SEC14L5: variants seen among roughly 807,000 people sequenced by gnomAD.
SEC14L5 encodes the protein SEC14 like lipid binding 5, also known as SEC14-like protein 5.
SEC14L5 carries 96 observed loss-of-function variants against 84.6 expected under a neutral mutation model. That is an observed-to-expected ratio of 1.13 (90% CI 0.96 to 1.34). The LOEUF (loss-of-function observed/expected upper bound fraction) is 1.34, where lower values mean the gene tolerates loss of function less well. Among genes scored for constraint, SEC14L5 ranks in the 40% most tolerant of loss-of-function variants. SEC14L5 has a pLI of 0.00. For synonymous variants in SEC14L5, 546 were observed against 383.4 expected (o/e 1.42, Z -4.95); for missense variants, 1,224 against 942.5 (o/e 1.30, Z -3.91).
chr16:4,971,027 G>A (rs551082641), intron 2 of SEC14L5, among the ~76,000 whole-genome samples: 1 of 150,562 alleles, frequency 6.6e-6, no homozygotes, highest in African/African-American at 2.4e-5. Flanking sequence ...AGAATCGCTT[G>A]AACCGGGAGG....
At chr16:5,005,287 C>T (rs1253012558) in intron 11 of SEC14L5, among the ~76,000 whole-genome samples, 4 of 151,824 alleles carry the variant, frequency 2.6e-5, no homozygotes, top group Admixed American at 2.0e-4. Flanking sequence ...TGCACTCAAG[C>T]CTGGGAGACA....
chr16:5,006,249 C>G (rs955149398), intron 12 of SEC14L5, among the ~76,000 whole-genome samples: 11 of 152,222 alleles, frequency 7.2e-5, no homozygotes, highest in African/African-American at 2.7e-4. Context: ...TGATGCTGTT[C>G]TGAGGTTGGG....
chr16:5,011,429 C>T (rs1955802556), intron 15 of SEC14L5, among the ~76,000 whole-genome samples, 156 bp downstream of exon 15: 1 of 152,220 alleles, frequency 6.6e-6, no homozygotes, highest in South Asian at 2.1e-4. Context: ...CACAGCCCCG[C>T]ACTAGGGTGT....
At chr16:4,991,446 G>C (rs184261199) in intron 5 of SEC14L5, among the ~76,000 whole-genome samples, 1 of 151,914 alleles carries the variant, frequency 6.6e-6, no homozygotes, top group African/African-American at 2.4e-5. Context: ...TGTGCCTATA[G>C]TCCCAGCTGC....
intron 2 of SEC14L5, among the ~76,000 whole-genome samples, chr16:4,985,744 T>G (rs1034894806): frequency 6.6e-6 from 1 of 151,082 alleles, no homozygotes; most frequent in African/African-American, 2.4e-5. Flanking sequence ...GCCTGATATA[T>G]CTATATATTT....
intron 6 of SEC14L5, among the ~76,000 whole-genome samples, chr16:4,995,312 A>G (rs2972267): frequency 1 from 151,981 of 152,296 alleles, 75,834 homozygotes; most frequent in Middle Eastern, 1. Flanking sequence ...ACAGGACTCA[A>G]GCTTGGGGCC....
chr16:4,983,261 G>T (rs932025136), intron 2 of SEC14L5, among the ~76,000 whole-genome samples: 1 of 151,878 alleles, frequency 6.6e-6, no homozygotes, highest in African/African-American at 2.4e-5. Context: ...TGATCTGCCT[G>T]CCTTGGCTTC....
At chr16:4,988,562 T>C (rs1413291186) in intron 4 of SEC14L5, among the ~76,000 whole-genome samples, 1 of 152,230 alleles carries the variant, frequency 6.6e-6, no homozygotes, top group African/African-American at 2.4e-5. Flanking sequence ...GTGTTTTATC[T>C]GTTAAATCTG....
Position 5,000,851 on chromosome 16 carries a change from C to A in SEC14L5, c.1060-4C>A. On this transcript the variant is annotated splice_region_variant and splice_polypyrimidine_tract_variant and intron_variant, in intron 9 of 15. Coordinates refer to ENST00000251170, the MANE Select transcript of SEC14L5 (RefSeq NM_014692.2). ...CGTTGAGCAGCACTGTCTCTCCCTT[C>A]CAGGTTCTCTCCGTCAACGAGGAAG... 2 of 1,601,972 alleles carry A rather than the reference C, an allele frequency of 1.2e-6. No individual in the cohort carries two copies. The highest frequency in any genetic ancestry group is 1.7e-6 in the Non-Finnish European group (2 of 1,174,410).
At position 5,008,399 on chromosome 16, in the gene SEC14L5, G is replaced by C. The variant is rs367863690; in HGVS notation, c.1573-22G>C. On this transcript the variant is annotated intron_variant, in intron 13 of 15. Coordinates refer to ENST00000251170, the MANE Select transcript of SEC14L5 (RefSeq NM_014692.2). ...TCTACTCTCTCGGCCGTGACTCTCA[G>C]ACCTCGCCTGTCTCCACACAGGTGG... 181 of 1,574,342 alleles carry C rather than the reference G, an allele frequency of 1.1e-4. 1 individual carries two copies. The African/African-American group carries it at 2.3e-3, about 20-fold the overall frequency.
At chr16:4,999,933 C>T (rs1224369587) in intron 8 of SEC14L5, among the ~76,000 whole-genome samples, 3 of 150,570 alleles carry the variant, frequency 2.0e-5, no homozygotes, top group Non-Finnish European at 4.4e-5. Context: ...ACAAATCAAC[C>T]AACTAACAAA....
intron 2 of SEC14L5, among the ~76,000 whole-genome samples, chr16:4,974,163 T>C (rs1254962506): frequency 6.6e-6 from 1 of 152,106 alleles, no homozygotes; most frequent in East Asian, 1.9e-4. Flanking sequence ...GGAATAGGTA[T>C]TGGTGATGGT....
chr16:4,972,964 A>T (rs1341221763), intron 2 of SEC14L5, among the ~76,000 whole-genome samples: 1 of 152,194 alleles, frequency 6.6e-6, no homozygotes, highest in Non-Finnish European at 1.5e-5. Flanking sequence ...CGTCCTGTAA[A>T]TGTCTATTGA....
At position 4,995,690 on chromosome 16, in the gene SEC14L5, A is replaced by C. The variant is rs151185529; in HGVS notation, c.668-658A>C. Among the ~76,000 whole-genome samples the C allele has an allele frequency of 8.1e-3, 1,194 of 147,610 alleles. 13 individuals are homozygous for C. Among genetic ancestry groups the C allele is most frequent in the East Asian group, 0.03 (151 of 5,044 alleles). On this transcript the variant is annotated intron_variant, in intron 6 of 15. Transcript: ENST00000251170. ...TGCCCAGGCTGGAGTGCAGTGGTGC[A>C]ATCTTGGCTCACTGCAACCTCCATC...
At chr16:4,966,795 T>A (rs2142475584) in intron 2 of SEC14L5, among the ~76,000 whole-genome samples, 1 of 152,284 alleles carries the variant, frequency 6.6e-6, no homozygotes, top group African/African-American at 2.4e-5. Context: ...GGATGGAGGA[T>A]CTGAAGTTAC....
At chr16:5,009,719 C>A (rs974665556) in intron 14 of SEC14L5, among the ~76,000 whole-genome samples, 1 of 152,072 alleles carries the variant, frequency 6.6e-6, no homozygotes, top group African/African-American at 2.4e-5. Flanking sequence ...CACTGTTCAA[C>A]CCACTGCATT....
chr16:5,010,723 A>G (rs1293559776), intron 14 of SEC14L5, among the ~76,000 whole-genome samples: 1 of 152,008 alleles, frequency 6.6e-6, no homozygotes, highest in Non-Finnish European at 1.5e-5. Flanking sequence ...AATTCTCTCT[A>G]AGCACCTGTG....
At chr16:4,966,378 A>G (rs917674374) in intron 2 of SEC14L5, among the ~76,000 whole-genome samples, 2 of 142,748 alleles carry the variant, frequency 1.4e-5, no homozygotes, top group African/African-American at 5.3e-5. Flanking sequence ...GGTTCAAGTG[A>G]TTCTCCTGCC....
intron 11 of SEC14L5, among the ~76,000 whole-genome samples, chr16:5,004,024 C>G (rs960374347): frequency 1.3e-5 from 2 of 152,268 alleles, no homozygotes; most frequent in Non-Finnish European, 2.9e-5. Flanking sequence ...TCCTCTGAAA[C>G]AAGGGTGCAG....
Sources: gnomAD v4.1 joint callset for allele counts (sites outside exome capture counted in the v4.1 genomes callset) on GRCh38, gnomAD v4.1.1 for gene constraint, MANE v1.5 for transcripts, NCBI Gene and HGNC (gene_info 2026-07-23, HGNC 2026-07-21) for gene names.